DLGAP2: variants seen among roughly 807,000 people sequenced by gnomAD.
The protein encoded by DLGAP2 is DLG associated protein 2.
DLGAP2 carries 26 observed loss-of-function variants against 100.3 expected under a neutral mutation model. The ratio of observed to expected loss-of-function variants is 0.26; its 90% CI spans 0.19 to 0.36. The LOEUF (loss-of-function observed/expected upper bound fraction) is 0.36. DLGAP2 is among the 10% of genes least tolerant of loss of function. DLGAP2 has a pLI of 1.00. For missense variants in DLGAP2, 1,858 were observed against 1,453.2 expected (o/e 1.28, Z -4.53); for synonymous variants, 886 against 630.1 (o/e 1.41, Z -6.08).
chr8:958,449 T>TG (rs1799645496), intron 2 of DLGAP2, among the ~76,000 whole-genome samples: 1 of 152,060 alleles, frequency 6.6e-6, no homozygotes, highest in Non-Finnish European at 1.5e-5. Context: ...GGTCATATGG[T>TG]GATTCTGGTT....
chr8:1,240,255 CTTACATGGCGCCGTG>C (rs1798757133), intron 2 of DLGAP2, among the ~76,000 whole-genome samples: 1 of 77,732 alleles, frequency 1.3e-5, no homozygotes, highest in African/African-American at 3.6e-5. Flanking sequence ...GTCTAGTTCT[CTTACATGGCGCCGTG>C]TCTAGTTCTG....
rs181678624 is a variant in DLGAP2, at chr8:1,627,491, C to T, written c.1590+604C>T. Among the ~76,000 whole-genome samples, 102 of 152,344 alleles carry T rather than the reference C, an allele frequency of 6.7e-4. 1 individual carries two copies. The highest frequency in any genetic ancestry group is 2.1e-3 in the African/African-American group (86 of 41,578). ...CACCTGTGGTGGACGGGCCTGAGAA[C>T]GCACAGTGAAAAAATCGGCAAGTGT... On this transcript the variant is annotated intron_variant, in intron 7 of 14. Coordinates refer to ENST00000637795, the MANE Select transcript of DLGAP2 (RefSeq NM_001346810.2).
At chr8:1,007,268 CT>C (rs1484350525) in intron 2 of DLGAP2, among the ~76,000 whole-genome samples, 1 of 152,220 alleles carries the variant, frequency 6.6e-6, no homozygotes. Flanking sequence ...CGGGTTGTCT[CT>C]GTGACTGCTG....
Position 1,379,374 on chromosome 8 carries a change from G to T in DLGAP2, c.106+120491G>T, listed in dbSNP as rs572249313. 2.6e-5 allele frequency among the ~76,000 whole-genome samples: 4 copies of T among 152,350 alleles called. No individual in the cohort carries two copies. The East Asian group carries it at 7.7e-4, about 29-fold the overall frequency. On this transcript the variant is annotated intron_variant, in intron 3 of 14. Coordinates refer to ENST00000637795, the MANE Select transcript of DLGAP2 (RefSeq NM_001346810.2). Reference sequence around the variant, plus strand: ...CTGGCACAGCCGCCCCACACGGCACGTACGCCGACATCCCTTATCTAGGAG... The same window carrying T: ...CTGGCACAGCCGCCCCACACGGCACTTACGCCGACATCCCTTATCTAGGAG...
At chr8:1,321,290 C>G (rs1330610263) in intron 3 of DLGAP2, among the ~76,000 whole-genome samples, 4 of 151,298 alleles carry the variant, frequency 2.6e-5, no homozygotes, top group Non-Finnish European at 5.9e-5. Flanking sequence ...ATCTGTGTGT[C>G]TCTGTGTGCA....
chr8:1,294,544 G>A (rs1247731857), intron 3 of DLGAP2, among the ~76,000 whole-genome samples: 2 of 152,206 alleles, frequency 1.3e-5, no homozygotes, highest in Admixed American at 6.5e-5. Context: ...TCTTTACAGC[G>A]AGGATGGTGT....
At chr8:1,408,779 A>G (rs979425363) in intron 3 of DLGAP2, among the ~76,000 whole-genome samples, 2 of 152,084 alleles carry the variant, frequency 1.3e-5, no homozygotes, top group Admixed American at 6.6e-5. Context: ...CAGCTCTACC[A>G]CCAAGAGACC....
At chr8:1,240,333 T>C (rs1296526459) in intron 2 of DLGAP2, among the ~76,000 whole-genome samples, 1 of 126,450 alleles carries the variant, frequency 7.9e-6, no homozygotes, top group Non-Finnish European at 1.8e-5. Flanking sequence ...TAGTTCTCTC[T>C]CACACATAAC....
chr8:1,496,673 G>A (rs1799555497), intron 3 of DLGAP2, among the ~76,000 whole-genome samples: 1 of 152,192 alleles, frequency 6.6e-6, no homozygotes. Flanking sequence ...CTGGGCCACA[G>A]GGGAGCAGGA....
intron 1 of DLGAP2, among the ~76,000 whole-genome samples, chr8:793,951 G>T (rs1174922129): frequency 6.6e-6 from 1 of 152,080 alleles, no homozygotes; most frequent in African/African-American, 2.4e-5. Context: ...CCTGCCATAC[G>T]ACTCCAGGCA....
At position 1,275,650 on chromosome 8, in the gene DLGAP2, C is replaced by G. The variant is rs1028992898; in HGVS notation, c.106+16767C>G. On this transcript the variant is annotated intron_variant, in intron 3 of 14. Coordinates refer to ENST00000637795, the MANE Select transcript of DLGAP2 (RefSeq NM_001346810.2). ...GAAAAGGGTCCAAGTAGTTCTCACT[C>G]TAGGGCTTCTGGAACTTTGTCCCTG... Among the ~76,000 whole-genome samples the G allele has an allele frequency of 4.7e-5, 7 of 147,446 alleles. No homozygotes were observed. In the South Asian group the frequency reaches 1.3e-3, roughly 27 times the overall value.
intron 2 of DLGAP2, among the ~76,000 whole-genome samples, chr8:917,229 C>CCCTTCCTT (rs568944410): frequency 2.6e-4 from 36 of 138,186 alleles, no homozygotes; most frequent in East Asian, 1.1e-3. Flanking sequence ...CTCCCTCCCT[C>CCCTTCCTT]CCTTCCTTCC....
rs561332162 is a variant in DLGAP2 at position 1,301,339 on chromosome 8, G to A, written c.106+42456G>A. The A allele has an allele frequency of 7.2e-5, 11 of 152,394 alleles. No homozygotes were observed. The South Asian group carries it at 8.3e-4, about 11-fold the overall frequency. The allele number at this position is 152,394 out of a possible 1,614,324, so 9.4% of individuals were successfully genotyped here. ...AGGCCTCTGCCTGGGCATCATGCTC[G>A]AGCTCCGGGGCCTAGGAGGCATGGA... On this transcript the variant is annotated intron_variant, in intron 3 of 14. Transcript: ENST00000637795.
intron 3 of DLGAP2, among the ~76,000 whole-genome samples, chr8:1,265,199 T>C (rs1489795425): frequency 6.6e-6 from 1 of 152,190 alleles, no homozygotes; most frequent in Non-Finnish European, 1.5e-5. Flanking sequence ...ACGTTTATAA[T>C]TATTAAATAG....
At chr8:1,632,454 G>A (rs185516878) in intron 7 of DLGAP2, among the ~76,000 whole-genome samples, 42 of 152,296 alleles carry the variant, frequency 2.8e-4, no homozygotes, top group African/African-American at 8.2e-4. Flanking sequence ...AGGGGGGGCC[G>A]TCATGTGGGA....
chr8:987,458 A>G (rs1280874050), intron 2 of DLGAP2, among the ~76,000 whole-genome samples: 1 of 152,156 alleles, frequency 6.6e-6, no homozygotes, highest in East Asian at 1.9e-4. Flanking sequence ...AGGTCTCCAG[A>G]GACCACAGGA....
At chr8:1,546,691 G>A (rs1028827697) in intron 4 of DLGAP2, among the ~76,000 whole-genome samples, 1 of 152,206 alleles carries the variant, frequency 6.6e-6, no homozygotes, top group Non-Finnish European at 1.5e-5. Flanking sequence ...TGGCATCCAT[G>A]TTGCTCAGGG....
intron 4 of DLGAP2, among the ~76,000 whole-genome samples, chr8:1,528,929 C>T (rs1393655070): frequency 6.6e-6 from 1 of 152,220 alleles, no homozygotes; most frequent in Non-Finnish European, 1.5e-5. Flanking sequence ...TTTTAAAAAT[C>T]AGTTCTTTCC....
chr8:1,679,199 G>C (rs1798883534), intron 12 of DLGAP2, among the ~76,000 whole-genome samples: 1 of 138,038 alleles, frequency 7.2e-6, no homozygotes, highest in Non-Finnish European at 1.5e-5. Context: ...TCCTCTACGG[G>C]AGTCACCACC....
Sources: gnomAD v4.1 joint callset for allele counts (sites outside exome capture counted in the v4.1 genomes callset) on GRCh38, gnomAD v4.1.1 for gene constraint, MANE v1.5 for transcripts, NCBI Gene and HGNC (gene_info 2026-07-23, HGNC 2026-07-21) for gene names.